The following RHOBTB3 variants were observed in gnomAD, a reference collection of about 807,000 sequenced individuals.
The protein encoded by RHOBTB3 is rho-related BTB domain-containing protein 3.
In RHOBTB3, 47 loss-of-function variants were observed where a neutral mutation model predicts 67.2. The observed-to-expected ratio is 0.70, with a 90% CI of 0.55 to 0.89. The LOEUF is 0.89. Among genes scored for constraint, RHOBTB3 ranks in the 40% least tolerant of loss-of-function variants. The pLI is 0.00. For synonymous variants in RHOBTB3, 273 were observed against 274.2 expected (o/e 1.00, Z 0.04); for missense variants, 631 against 750.0 (o/e 0.84, Z 1.85).
chr5:95,770,337 G>A, intron 8 of RHOBTB3: 1 of 272,800 alleles, frequency 3.7e-6, no homozygotes, highest in South Asian at 5.3e-5. Context: ...GTTGTGCCTT[G>A]CTTCAGTTCA....
chr5:95,791,154 T>C (rs1035407593), intron 11 of RHOBTB3, among the ~76,000 whole-genome samples: 11 of 152,186 alleles, frequency 7.2e-5, no homozygotes, highest in African/African-American at 2.7e-4. Context: ...ATTATTGGAA[T>C]TCTACAACTT....
chr5:95,762,068 A>G (rs181207306), intron 6 of RHOBTB3, among the ~76,000 whole-genome samples: 6 of 152,328 alleles, frequency 3.9e-5, no homozygotes, highest in African/African-American at 1.4e-4. Flanking sequence ...GGCAGAAAGA[A>G]GCAGTGGTGT....
chr5:95,726,869 C>A (rs1226890861), upstream of RHOBTB3, among the ~76,000 whole-genome samples: 1 of 152,202 alleles, frequency 6.6e-6, no homozygotes, highest in Non-Finnish European at 1.5e-5. Flanking sequence ...TGCCATGCCC[C>A]CAACACTCCT....
intron 7 of RHOBTB3, among the ~76,000 whole-genome samples, chr5:95,766,847 A>G (rs1745558598): frequency 6.6e-6 from 1 of 152,190 alleles, no homozygotes; most frequent in Admixed American, 6.5e-5. Context: ...TCAAAAACCC[A>G]GGAAACTCTT....
intron 6 of RHOBTB3, among the ~76,000 whole-genome samples, chr5:95,762,367 AT>A (rs1745417689): frequency 6.6e-6 from 1 of 152,134 alleles, no homozygotes; most frequent in Non-Finnish European, 1.5e-5. Flanking sequence ...ACTGGCTGCA[AT>A]TGCCTGATCT....
At chr5:95,740,989 CATCA>C in intron 3 of RHOBTB3, among the ~76,000 whole-genome samples, 1 of 152,238 alleles carries the variant, frequency 6.6e-6, no homozygotes, top group Admixed American at 6.5e-5. Context: ...CTAATACAAT[CATCA>C]ATCAAGAAAT....
Position 95,790,789 on chromosome 5 carries a change from A to T in RHOBTB3, c.1720+1931A>T, listed in dbSNP as rs532725059. 7.0e-4 allele frequency among the ~76,000 whole-genome samples: 107 copies of T among 152,380 alleles called. 1 individual carries two copies. The highest frequency in any genetic ancestry group is 1.3e-3 in the East Asian group (7 of 5,190). On this transcript the variant is annotated intron_variant, in intron 11 of 11. Coordinates refer to ENST00000379982, the MANE Select transcript of RHOBTB3 (RefSeq NM_014899.4). ...GGAGAATTTAATTGTCTAAATCAATAGTTACTAACTGGCCATCTATGGTTT... is the reference window on the plus strand; with the variant it reads ...GGAGAATTTAATTGTCTAAATCAATTGTTACTAACTGGCCATCTATGGTTT...
rs1167325161 is a variant in RHOBTB3 at position 95,731,590 on chromosome 5, C to A, written c.-93C>A. ...CGAGGGGGACGCGGCCGGGGATGAGCGGATTGCGGGTGAACTCGCCGCCCG... is the reference window on the plus strand; with the variant it reads ...CGAGGGGGACGCGGCCGGGGATGAGAGGATTGCGGGTGAACTCGCCGCCCG... On this transcript the variant is annotated 5_prime_UTR_variant, in exon 1 of 12. Coordinates refer to ENST00000379982, the MANE Select transcript of RHOBTB3 (RefSeq NM_014899.4). 1.9e-6 allele frequency: 3 copies of A among 1,574,546 alleles called. No homozygotes were observed. Among genetic ancestry groups the A allele is most frequent in the Non-Finnish European group, 2.6e-6 (3 of 1,161,030 alleles).
chr5:95,752,508 T>A (rs1482551163), intron 5 of RHOBTB3, among the ~76,000 whole-genome samples, 158 bp downstream of exon 5: 1 of 152,258 alleles, frequency 6.6e-6, no homozygotes, highest in Non-Finnish European at 1.5e-5. Context: ...TCTGTGTTAA[T>A]CAGCCTCCCA....
Position 95,731,392 on chromosome 5 carries a change from G to C in RHOBTB3, c.-291G>C. 1 of 1,173,574 alleles carries C rather than the reference G, an allele frequency of 8.5e-7. No homozygotes were observed. Among genetic ancestry groups the C allele is most frequent in the Non-Finnish European group, 1.0e-6 (1 of 953,776 alleles). The allele number at this position is 1,173,574 out of a possible 1,614,324, so 72.7% of individuals were successfully genotyped here. ...CGCGGCGGAGAGGGGACTGCGGTCA[G>C]CTGCGTCCACTTGGGGCTGTGCGGC... On this transcript the variant is annotated 5_prime_UTR_variant, in exon 1 of 12. Coordinates refer to ENST00000379982, the MANE Select transcript of RHOBTB3 (RefSeq NM_014899.4).
At chr5:95,735,854 A>G (rs1755442112) in intron 2 of RHOBTB3, among the ~76,000 whole-genome samples, 1 of 152,176 alleles carries the variant, frequency 6.6e-6, no homozygotes, top group African/African-American at 2.4e-5. Flanking sequence ...TAATCCTCAC[A>G]CTTTGGGAGA....
chr5:95,728,698 G>A (rs749035228), upstream of RHOBTB3, among the ~76,000 whole-genome samples: 8 of 152,186 alleles, frequency 5.3e-5, no homozygotes, highest in South Asian at 4.1e-4. Context: ...ATCTTGAGTA[G>A]AGGCTGGGTA....
At chr5:95,785,688 A>G (rs763505095) in intron 10 of RHOBTB3, among the ~76,000 whole-genome samples, 2 of 152,166 alleles carry the variant, frequency 1.3e-5, no homozygotes, top group Admixed American at 6.5e-5. Flanking sequence ...TTAGTTTACA[A>G]TTTTTAAAAT....
Position 95,793,135 on chromosome 5 carries a change from G to A in RHOBTB3, c.1797G>A (p.Lys599=). 1 of 1,612,954 alleles carries A rather than the reference G, an allele frequency of 6.2e-7. No individual in the cohort carries two copies. Among genetic ancestry groups the A allele is most frequent in the Non-Finnish European group, 8.5e-7 (1 of 1,179,500 alleles). ...TGAAGCAGCTTGCGGAATACAGGAA[G>A]TATATTCACTCCCGGAAATGTCGTT... ...MYLKQLAEYR[K]YIHSRKCRCL... is the part of the protein sequence containing the mutation. Residue 599 remains lysine (K), a synonymous_variant, in exon 12 of 12, where the codon AAG becomes AAA. Transcript: ENST00000379982.
chr5:95,756,604 C>A (rs1015297400), intron 6 of RHOBTB3, among the ~76,000 whole-genome samples: 1 of 152,144 alleles, frequency 6.6e-6, no homozygotes, highest in Admixed American at 6.5e-5. Context: ...ACTAGCTATA[C>A]CACTTTATGT....
chr5:95,765,118 T>C (rs1197656956), intron 7 of RHOBTB3, among the ~76,000 whole-genome samples: 1 of 152,188 alleles, frequency 6.6e-6, no homozygotes, highest in African/African-American at 2.4e-5. Context: ...TCCCATTTTT[T>C]TCAAATTCAA....
In RHOBTB3 at chr5:95,731,575, GCGGC is replaced by G. The variant is rs1341532635; in HGVS notation, c.-104_-101del. The G allele has an allele frequency of 2.0e-6, 3 of 1,518,628 alleles. No individual in the cohort carries two copies. Among genetic ancestry groups the G allele is most frequent in the Non-Finnish European group, 2.6e-6 (3 of 1,133,186 alleles). The allele number at this position is 1,518,628 out of a possible 1,614,324, so 94.1% of individuals were successfully genotyped here. A position where few individuals can be genotyped will look rare whatever the true frequency, so the allele number is the denominator to read the frequency against. On this transcript the variant is annotated 5_prime_UTR_variant, in exon 1 of 12. Transcript: ENST00000379982. The stretch of plus-strand genomic sequence containing the variant: ...CGCGGTGGAGGCGCGCGAGGGGGAC[GCGGC>G]CGGGGATGAGCGGATTGCGGGTGAA...
intron 2 of RHOBTB3, among the ~76,000 whole-genome samples, chr5:95,735,363 C>CT (rs1431135132): frequency 2.0e-5 from 3 of 150,308 alleles, no homozygotes; most frequent in African/African-American, 7.4e-5. Context: ...TCTTGTTACT[C>CT]TGAGTGTACT....
chr5:95,795,331 A>T lies in RHOBTB3; in HGVS notation c.*2157A>T, dbSNP rs982157806. The stretch of plus-strand genomic sequence containing the variant: ...TACTGTGGTAGATTTCTAGAAATTC[A>T]TTCACATTTAAGACTTCTAAAATGG... On this transcript the variant is annotated 3_prime_UTR_variant, in exon 12 of 12. Transcript: ENST00000379982. The T allele has an allele frequency of 1.3e-5, 2 of 152,240 alleles. No individual in the cohort carries two copies. Among genetic ancestry groups the T allele is most frequent in the African/African-American group, 4.8e-5 (2 of 41,460 alleles). 9.4% of individuals were successfully genotyped at this position (152,240 alleles called of 1,614,324 possible). A position where few individuals can be genotyped will look rare whatever the true frequency, so the allele number is the denominator to read the frequency against.
Sources: gnomAD v4.1 joint callset for allele counts (sites outside exome capture counted in the v4.1 genomes callset) on GRCh38, gnomAD v4.1.1 for gene constraint, MANE v1.5 for transcripts, NCBI Gene and HGNC (gene_info 2026-07-23, HGNC 2026-07-21) for gene names.